Variants in ARL15 observed in about 807,000 individuals in gnomAD.
The protein encoded by ARL15 is ARF like GTPase 15, also known as ADP-ribosylation factor-like protein 15.
ARL15 carries 19 observed loss-of-function variants against 25.2 expected under a neutral mutation model. That is an observed-to-expected ratio of 0.75 (90% CI 0.53 to 1.10). ARL15 has a LOEUF of 1.10. Ranked by LOEUF, ARL15 falls within the 50% of genes least tolerant of loss-of-function variation. The probability of loss-of-function intolerance (pLI) is 0.00; values close to 1 mark genes in which losing one functional copy is unlikely to be tolerated. For synonymous variants in ARL15, 94 were observed against 86.8 expected (o/e 1.08, Z -0.46); for missense variants, 220 against 246.0 (o/e 0.89, Z 0.71).
At chr5:53,974,487 T>A (rs1395512527) in intron 4 of ARL15, among the ~76,000 whole-genome samples, 4 of 152,230 alleles carry the variant, frequency 2.6e-5, no homozygotes, top group Admixed American at 2.0e-4. Flanking sequence ...CTGCGCTCAC[T>A]GTTTTCTGCT....
chr5:53,978,300 G>T (rs573157850), intron 4 of ARL15, among the ~76,000 whole-genome samples: 1 of 152,220 alleles, frequency 6.6e-6, no homozygotes, highest in Non-Finnish European at 1.5e-5. Context: ...AGTGGTATCT[G>T]TATGTATGGG....
intron 4 of ARL15, among the ~76,000 whole-genome samples, chr5:53,990,126 G>T (rs1414999137): frequency 2.6e-5 from 4 of 152,000 alleles, no homozygotes; most frequent in Non-Finnish European, 5.9e-5. Context: ...TACTTGAGAG[G>T]CTGAGGCAGC....
chr5:53,917,486 A>C (rs1176460648), intron 4 of ARL15, among the ~76,000 whole-genome samples: 5 of 152,188 alleles, frequency 3.3e-5, no homozygotes, highest in African/African-American at 1.2e-4. Flanking sequence ...AGACATCTAC[A>C]TATACTCCAT....
chr5:54,159,332 C>T (rs1187895533), intron 2 of ARL15, among the ~76,000 whole-genome samples: 1 of 152,146 alleles, frequency 6.6e-6, no homozygotes, highest in East Asian at 1.9e-4. Flanking sequence ...CTTGCTTCTT[C>T]AAACAGGAAG....
At chr5:54,125,250 T>G (rs1027506276) in intron 3 of ARL15, among the ~76,000 whole-genome samples, 1 of 152,098 alleles carries the variant, frequency 6.6e-6, no homozygotes, top group Non-Finnish European at 1.5e-5. Flanking sequence ...GTCAGGCTGG[T>G]CTCGAACTCC....
intron 2 of ARL15, among the ~76,000 whole-genome samples, chr5:54,161,684 G>T (rs749309794): frequency 2.2e-4 from 34 of 151,960 alleles, no homozygotes; most frequent in Admixed American, 7.2e-4. Context: ...TCTCTAAGAG[G>T]GACAGCCATA....
chr5:54,275,363 G>T (rs1275129503), intron 1 of ARL15, among the ~76,000 whole-genome samples: 1 of 152,178 alleles, frequency 6.6e-6, no homozygotes, highest in Non-Finnish European at 1.5e-5. Flanking sequence ...GCTTACTAGA[G>T]TTCACCTTTC....
At chr5:54,235,733 A>C (rs1405558705) in intron 1 of ARL15, among the ~76,000 whole-genome samples, 4 of 152,148 alleles carry the variant, frequency 2.6e-5, no homozygotes, top group Admixed American at 2.6e-4. Context: ...TGGCTTCCCA[A>C]AGTGCTGGGA....
intron 4 of ARL15, among the ~76,000 whole-genome samples, chr5:54,097,862 G>C (rs1752333135): frequency 6.6e-6 from 1 of 152,202 alleles, no homozygotes; most frequent in African/African-American, 2.4e-5. Context: ...TGCACACACA[G>C]ACATCAGTGC....
At chr5:54,124,832 T>A (rs1176530970) in intron 3 of ARL15, among the ~76,000 whole-genome samples, 2 of 152,170 alleles carry the variant, frequency 1.3e-5, no homozygotes, top group Admixed American at 6.5e-5. Context: ...ACAGAAATGT[T>A]ACATGGTGAA....
intron 4 of ARL15, among the ~76,000 whole-genome samples, chr5:53,993,177 A>T (rs1283132318): frequency 1.3e-5 from 2 of 152,238 alleles, no homozygotes; most frequent in South Asian, 2.1e-4. Context: ...TAGGAAACAC[A>T]GTGCAGATTG....
chr5:54,001,636 G>A (rs1483597271), intron 4 of ARL15, among the ~76,000 whole-genome samples: 1 of 152,084 alleles, frequency 6.6e-6, no homozygotes, highest in Non-Finnish European at 1.5e-5. Context: ...TTAAATCTGA[G>A]CATCAAAGCA....
intron 4 of ARL15, among the ~76,000 whole-genome samples, chr5:54,046,868 G>T (rs1750534465): frequency 6.6e-6 from 1 of 152,198 alleles, no homozygotes; most frequent in Admixed American, 6.5e-5. Flanking sequence ...GGAGTGGATG[G>T]TTAGCATGGT....
At chr5:53,981,537 C>T (rs1175028433) in intron 4 of ARL15, among the ~76,000 whole-genome samples, 1 of 152,144 alleles carries the variant, frequency 6.6e-6, no homozygotes, top group Non-Finnish European at 1.5e-5. Context: ...TAAAAATAAT[C>T]ACTTATAAGG....
chr5:54,081,136 C>T (rs1751786094), intron 4 of ARL15, among the ~76,000 whole-genome samples: 2 of 152,100 alleles, frequency 1.3e-5, no homozygotes, highest in South Asian at 2.1e-4. Context: ...GGGGGAAGGG[C>T]ACAAGTTGGT....
intron 4 of ARL15, among the ~76,000 whole-genome samples, chr5:53,985,966 G>A (rs1043580223): frequency 4.6e-5 from 7 of 152,216 alleles, no homozygotes; most frequent in Admixed American, 6.5e-5. Flanking sequence ...GGAATTTTTC[G>A]GTGGGGCTTG....
intron 1 of ARL15, among the ~76,000 whole-genome samples, chr5:54,254,084 A>T (rs1044673612): frequency 2.0e-5 from 3 of 152,164 alleles, no homozygotes; most frequent in African/African-American, 7.2e-5. Context: ...TTCTGCATAA[A>T]TTTTCTTTCA....
chr5:53,978,622 C>CAAAAAAAAAAAAA (rs147288475), intron 4 of ARL15, among the ~76,000 whole-genome samples: 21 of 74,480 alleles, frequency 2.8e-4, no homozygotes, highest in East Asian at 4.0e-4. Context: ...CCTGTCTCTA[C>CAAAAAAAAAAAAA]AAAAAAAAAA....
intron 4 of ARL15, among the ~76,000 whole-genome samples, chr5:53,963,630 A>G (rs1471243382): frequency 2.0e-5 from 3 of 152,136 alleles, no homozygotes; most frequent in African/African-American, 7.2e-5. Flanking sequence ...CAACATGGTG[A>G]AACCCTGTCT....
Sources: gnomAD v4.1 joint callset for allele counts (sites outside exome capture counted in the v4.1 genomes callset) on GRCh38, gnomAD v4.1.1 for gene constraint, MANE v1.5 for transcripts, NCBI Gene and HGNC (gene_info 2026-07-23, HGNC 2026-07-21) for gene names.